Variants in VDR observed in about 807,000 individuals in gnomAD.
VDR encodes the protein vitamin D receptor.
VDR carries 19 observed loss-of-function variants against 39.7 expected under a neutral mutation model. That is an observed-to-expected ratio of 0.48 (90% CI 0.33 to 0.70). The LOEUF is 0.70. Among genes scored for constraint, VDR ranks in the 30% least tolerant of loss-of-function variants. The pLI, the probability that VDR is intolerant of heterozygous loss-of-function variation, is 0.02. For synonymous variants in VDR, 242 were observed against 215.8 expected (o/e 1.12, Z -1.07); for missense variants, 442 against 570.5 (o/e 0.77, Z 2.29).
Position 47,844,908 on chromosome 12 carries a change from C to CG in VDR, c.1121dup (p.Ser376GlnfsTer20). On this transcript the variant is annotated frameshift_variant, in exon 10 of 10. Transcript: ENST00000549336. LOFTEE classifies it high-confidence loss of function. ...TCTTGGCATAGAGCAGGTGGCTGCC[C>CG]GGGGGCGGGTGGCGGCAGCGGATGT... 1 of 1,614,100 alleles carries CG rather than the reference C, an allele frequency of 6.2e-7. No homozygotes were observed.
intron 1 of VDR, among the ~76,000 whole-genome samples, chr12:47,890,728 C>T (rs965751891): frequency 6.6e-6 from 1 of 152,204 alleles, no homozygotes; most frequent in East Asian, 1.9e-4. Flanking sequence ...GGACTGAGAA[C>T]GTGTGCCCTA....
Position 47,857,614 on chromosome 12 carries a change from C to T in VDR, c.352G>A (p.Asp118Asn), listed in dbSNP as rs1489187403. The T allele has an allele frequency of 6.2e-7, 1 of 1,614,110 alleles. No homozygotes were observed. Among genetic ancestry groups the T allele is most frequent in the East Asian group, 2.2e-5 (1 of 44,892 alleles). Residue 118 changes from aspartate (D) to asparagine (N), a missense_variant, in exon 5 of 10, where the codon GAC becomes AAC. Asp to Asn is a conservative substitution (Grantham distance 23). Around this residue, in one of 5 missense-constraint regions of VDR, gnomAD observed 46 missense variants for 82.0 expected, o/e 0.56. Coordinates refer to ENST00000549336, the MANE Select transcript of VDR (RefSeq NM_000376.3). ...LKRKEEEALK[D>N]SLRPKLSEEQ... Reference sequence around the variant, plus strand: ...TCAGACAGCTTGGGCCGCAGACTGTCCTTCAAGGCCTCCTCCTCCTTCCGC... The same window carrying T: ...TCAGACAGCTTGGGCCGCAGACTGTTCTTCAAGGCCTCCTCCTCCTTCCGC...
At chr12:47,889,729 G>T (rs1234341688) in intron 1 of VDR, among the ~76,000 whole-genome samples, 2 of 152,246 alleles carry the variant, frequency 1.3e-5, no homozygotes, top group African/African-American at 4.8e-5. Flanking sequence ...CAAAGGGAGA[G>T]AGTAGGTCCA....
chr12:47,845,129 G>T (rs1945255362), intron 9 of VDR, 124 bp from the exon 10 acceptor site: 2 of 1,453,874 alleles, frequency 1.4e-6, no homozygotes, highest in African/African-American at 2.8e-5. Context: ...ACCCCTCTAT[G>T]ACTGCTGACC....
intron 1 of VDR, among the ~76,000 whole-genome samples, chr12:47,897,900 C>T (rs1294019331): frequency 3.9e-5 from 6 of 152,186 alleles, no homozygotes; most frequent in African/African-American, 1.4e-4. Context: ...CCATCACTGC[C>T]CCAGCCCTGT....
intron 2 of VDR, among the ~76,000 whole-genome samples, chr12:47,881,119 T>TATATACAC (rs150135188): frequency 6.7e-6 from 1 of 148,994 alleles, no homozygotes; most frequent in Non-Finnish European, 1.5e-5. Flanking sequence ...TATATATATA[T>TATATACAC]ACACACACAT....
chr12:47,855,713 G>A lies in VDR; in HGVS notation c.672C>T (p.Leu224=), dbSNP rs776745421. ...DPSVTLELSQ[L]SMLPHLADLV... ...GGTCAGCCAGGTGGGGCAGCATGGAGAGCTGGGACAGCTCTAGGGTCACAG... is the reference window on the plus strand; with the variant it reads ...GGTCAGCCAGGTGGGGCAGCATGGAAAGCTGGGACAGCTCTAGGGTCACAG... Residue 224 remains leucine, a synonymous_variant, in exon 7 of 10, where the codon CTC becomes CTT. Transcript: ENST00000549336. 1.5e-5 allele frequency: 25 copies of A among 1,614,080 alleles called. No homozygotes were observed. The highest frequency in any genetic ancestry group is 1.3e-5 in the African/African-American group (1 of 74,932).
chr12:47,857,257 G>A lies in VDR; in HGVS notation c.463-8C>T, dbSNP rs560423933. 5 of 1,614,040 alleles carry A rather than the reference G, an allele frequency of 3.1e-6. No individual in the cohort carries two copies. Among genetic ancestry groups the A allele is most frequent in the Non-Finnish European group, 4.2e-6 (5 of 1,180,044 alleles). ...ATTCACACGAACTGGAGGCTGGAAG[G>A]GAAAGATGGGGTCTCAGACCCACAT... On this transcript the variant is annotated splice_polypyrimidine_tract_variant and splice_region_variant and intron_variant, in intron 5 of 9. Transcript: ENST00000549336.
intron 2 of VDR, among the ~76,000 whole-genome samples, chr12:47,879,560 G>A (rs940326053): frequency 6.6e-6 from 1 of 152,154 alleles, no homozygotes; most frequent in African/African-American, 2.4e-5. Flanking sequence ...CCCTCCAAGG[G>A]AAAATGAGAG....
At chr12:47,855,054 G>A (rs1406450177) in intron 7 of VDR, among the ~76,000 whole-genome samples, 1 of 151,998 alleles carries the variant, frequency 6.6e-6, no homozygotes, top group Non-Finnish European at 1.5e-5. Flanking sequence ...TTAGGGCAGG[G>A]CGCGATGGCT....
In VDR at chr12:47,857,115, G is replaced by C; in HGVS notation, c.583+14C>G. On this transcript the variant is annotated intron_variant, in intron 6 of 9. Coordinates refer to ENST00000549336, the MANE Select transcript of VDR (RefSeq NM_000376.3). Reference sequence around the variant, plus strand: ...CCGCTCCCTTACTCTATGGAGGACTGAAGTCCTGCTTACCTGAAGAGGTGA... The same window carrying C: ...CCGCTCCCTTACTCTATGGAGGACTCAAGTCCTGCTTACCTGAAGAGGTGA... 6.2e-7 allele frequency: 1 copy of C among 1,614,016 alleles called. No homozygotes were observed. Among genetic ancestry groups the C allele is most frequent in the Non-Finnish European group, 8.5e-7 (1 of 1,179,960 alleles).
intron 1 of VDR, among the ~76,000 whole-genome samples, chr12:47,888,183 A>G (rs566314437): frequency 6.6e-6 from 1 of 152,284 alleles, no homozygotes; most frequent in Admixed American, 6.5e-5. Flanking sequence ...CAGATCTCAT[A>G]AGGCTTATTC....
At chr12:47,896,448 C>T (rs113551628) in intron 1 of VDR, among the ~76,000 whole-genome samples, 140 of 152,110 alleles carry the variant, frequency 9.2e-4, no homozygotes, top group African/African-American at 3.3e-3. Flanking sequence ...GATCTGTTCT[C>T]GGGGCTCGGA....
intron 3 of VDR, among the ~76,000 whole-genome samples, chr12:47,866,035 A>AC (rs777097012): frequency 3.3e-5 from 5 of 150,752 alleles, no homozygotes; most frequent in East Asian, 2.0e-4. Context: ...TCTTATACTT[A>AC]TTTTACAGTA....
chr12:47,882,626 C>CCCAG, intron 2 of VDR, 68 bp downstream of exon 2: 2 of 569,052 alleles, frequency 3.5e-6, no homozygotes, highest in African/African-American at 2.0e-5. Flanking sequence ...TTCTTATGCC[C>CCCAG]CTCCCCCCCA....
chr12:47,867,974 T>C (rs1338778284), intron 3 of VDR, among the ~76,000 whole-genome samples: 1 of 152,012 alleles, frequency 6.6e-6, no homozygotes, highest in Non-Finnish European at 1.5e-5. Context: ...CTACTGGCAG[T>C]CCCAGGCAGG....
At chr12:47,897,275 G>A (rs749451182) in intron 1 of VDR, among the ~76,000 whole-genome samples, 8 of 152,224 alleles carry the variant, frequency 5.3e-5, no homozygotes, top group Non-Finnish European at 1.0e-4. Flanking sequence ...GTGAGTTATA[G>A]TAACCATTGG....
chr12:47,879,004 T>C lies in VDR; in HGVS notation c.110A>G (p.Asn37Ser), dbSNP rs370473254. The change falls in exon 3 of 10, where the codon AAT (asparagine) becomes AGT (serine). Residue 37 changes from asparagine (N) to serine (S), a missense_variant. By Grantham distance (46) the Asn-to-Ser change is conservative. Transcript: ENST00000549336. ...TTTGCAGCCTTCACAGGTCATAGCATTGAAGTGAAAGCCAGTGGCTCGGTC... is the reference window on the plus strand; with the variant it reads ...TTTGCAGCCTTCACAGGTCATAGCACTGAAGTGAAAGCCAGTGGCTCGGTC... ...CGDRATGFHF[N>S]AMTCEGCKGF... 38 of 1,614,030 alleles carry C rather than the reference T, an allele frequency of 2.4e-5. No individual in the cohort carries two copies. Among genetic ancestry groups the C allele is most frequent in the East Asian group, 6.7e-5 (3 of 44,896 alleles).
intron 1 of VDR, among the ~76,000 whole-genome samples, chr12:47,902,393 T>G (rs980016465): frequency 1.3e-5 from 2 of 152,266 alleles, no homozygotes; most frequent in East Asian, 3.9e-4. Flanking sequence ...TGGACAATAG[T>G]GGAGGGAGAG....
Sources: gnomAD v4.1 joint callset for allele counts (sites outside exome capture counted in the v4.1 genomes callset) on GRCh38, gnomAD v4.1.1 for gene constraint, gnomAD v4.1.1 regional missense constraint, MANE v1.5 for transcripts, NCBI Gene and HGNC (gene_info 2026-07-23, HGNC 2026-07-21) for gene names.